Variants in DMBT1 observed in about 807,000 individuals in gnomAD.
The protein encoded by DMBT1 is scavenger receptor cysteine-rich domain-containing protein DMBT1.
DMBT1 carries 198 observed loss-of-function variants against 252.9 expected under a neutral mutation model. That is an observed-to-expected ratio of 0.78 (90% CI 0.70 to 0.88). DMBT1 has a LOEUF of 0.88. Ranked by LOEUF, DMBT1 falls within the 40% of genes least tolerant of loss-of-function variation. The pLI is 0.00. For missense variants in DMBT1, 2,432 were observed against 2,404.7 expected, an observed-to-expected ratio of 1.01 and a Z score of -0.24; for synonymous variants, 990 against 942.7, an observed-to-expected ratio of 1.05 and a Z score of -0.92.
chr10:122,631,401 G>A (rs1204511893), intron 49 of DMBT1, 120 bp downstream of exon 49: 3 of 1,276,838 alleles, frequency 2.3e-6, no homozygotes, highest in African/African-American at 3.0e-5. Context: ...TGTCCTCGTG[G>A]CCTGCGCACT....
intron 4 of DMBT1, 149 bp from the exon 5 acceptor site, chr10:122,572,165 A>C: frequency 1.8e-6 from 2 of 1,087,448 alleles, no homozygotes; most frequent in Non-Finnish European, 2.8e-6. Context: ...ACAGTGACAG[A>C]GTGATTGGCA....
chr10:122,592,496 C>T lies in DMBT1; in HGVS notation c.2401C>T (p.Arg801Cys), dbSNP rs199908786. The part of the protein sequence containing the change: ...GSGPIVLDDV[R>C]CSGHESYLWS... ...AGGACCCATTGTTCTGGATGATGTGCGCTGCTCAGGACACGAGTCCTACCT... is the reference window on the plus strand; with the variant it reads ...AGGACCCATTGTTCTGGATGATGTGTGCTGCTCAGGACACGAGTCCTACCT... The change falls in exon 20 of 56, where the codon CGC becomes TGC. Residue 801 changes from arginine (R) to cysteine (C), a missense_variant. Coordinates refer to ENST00000338354, the MANE Select transcript of DMBT1 (RefSeq NM_001377530.1). 207 of 1,587,842 alleles carry T rather than the reference C, an allele frequency of 1.3e-4. 16 individuals carry two copies. The highest frequency in any genetic ancestry group is 3.4e-4 in the Admixed American group (20 of 59,472).
chr10:122,569,944 T>G (rs2981788), intron 2 of DMBT1, among the ~76,000 whole-genome samples: 104,062 of 151,538 alleles, frequency 0.69, 35,911 homozygotes, highest in East Asian at 0.77. Context: ...AGAGGAGGTG[T>G]GGGGAGGGTA....
chr10:122,581,003 T>C lies in DMBT1; in HGVS notation c.1033+108T>C. 2.0e-6 allele frequency: 3 copies of C among 1,498,966 alleles called. No homozygotes were observed. The Admixed American group carries it at 5.8e-5, about 29-fold the overall frequency. 92.9% of individuals were successfully genotyped at this position (1,498,966 alleles called of 1,614,324 possible). On this transcript the variant is annotated intron_variant, in intron 11 of 55. Coordinates refer to ENST00000338354, the MANE Select transcript of DMBT1 (RefSeq NM_001377530.1). ...TTCTCTGTGTGGATACTGTGGGGCA[T>C]ATTATTTCCACCCCCAACACCGGCT...
chr10:122,594,340 A>ACAG (rs1215719591), intron 21 of DMBT1, among the ~76,000 whole-genome samples, 156 bp from the exon 22 acceptor site: 1 of 127,538 alleles, frequency 7.8e-6, no homozygotes, highest in Non-Finnish European at 1.8e-5. Context: ...GGATGAGTTC[A>ACAG]CAGCACAGGA....
intron 27 of DMBT1, among the ~76,000 whole-genome samples, chr10:122,600,442 C>G (rs1217057770): frequency 1.3e-5 from 2 of 152,204 alleles, no homozygotes; most frequent in African/African-American, 4.8e-5. Context: ...GAGTGTCACC[C>G]TCTGACCTGT....
chr10:122,639,069 C>T (rs1301665909), intron 54 of DMBT1, among the ~76,000 whole-genome samples: 1 of 152,190 alleles, frequency 6.6e-6, no homozygotes, highest in Non-Finnish European at 1.5e-5. Flanking sequence ...CTGGAGCTTC[C>T]CACAGCTCCA....
intron 44 of DMBT1, among the ~76,000 whole-genome samples, chr10:122,623,300 T>C (rs2098087710): frequency 6.6e-6 from 1 of 152,270 alleles, no homozygotes; most frequent in African/African-American, 2.4e-5. Context: ...TCTATCCATT[T>C]ATCAGCTTAT....
chr10:122,624,980 CAAT>C (rs138676947), intron 44 of DMBT1, among the ~76,000 whole-genome samples: 82 of 152,334 alleles, frequency 5.4e-4, no homozygotes, highest in African/African-American at 1.9e-3. Flanking sequence ...CTCAGCAAGG[CAAT>C]AACCTCAGCA....
chr10:122,628,396 G>C (rs1039926249), intron 46 of DMBT1, among the ~76,000 whole-genome samples: 1 of 152,186 alleles, frequency 6.6e-6, no homozygotes, highest in Admixed American at 6.5e-5. Context: ...AGCATTTTGG[G>C]AGGCCAAGAT....
chr10:122,641,357 A>G (rs973226307), intron 55 of DMBT1, among the ~76,000 whole-genome samples: 10 of 152,240 alleles, frequency 6.6e-5, no homozygotes, highest in African/African-American at 2.2e-4. Context: ...AGACCTGGAC[A>G]CTTCAGTAGC....
chr10:122,623,056 A>G (rs2098085767), intron 44 of DMBT1, among the ~76,000 whole-genome samples: 1 of 152,052 alleles, frequency 6.6e-6, no homozygotes, highest in South Asian at 2.1e-4. Context: ...AACCATTCAT[A>G]ATCCATTTCT....
Position 122,598,865 on chromosome 10 carries a change from C to T in DMBT1, c.3048C>T (p.Thr1016=), listed in dbSNP as rs139554705. Residue 1016 remains threonine (T), a synonymous_variant, in exon 26 of 56, where the codon ACC becomes ACT. Coordinates refer to ENST00000338354, the MANE Select transcript of DMBT1 (RefSeq NM_001377530.1). Reference sequence around the variant, plus strand: ...TCCTATACCAAGGCTCCTGGGGCACCGTGTGCGATGACAGCTGGGACACCA... The same window carrying T: ...TCCTATACCAAGGCTCCTGGGGCACTGTGTGCGATGACAGCTGGGACACCA... ...VEVLYQGSWG[T]VCDDSWDTND... The T allele has an allele frequency of 4.6e-4, 739 of 1,613,774 alleles. 3 individuals carry two copies. In the African/African-American group the frequency reaches 5.7e-3, roughly 12 times the overall value.
intron 52 of DMBT1, among the ~76,000 whole-genome samples, chr10:122,635,775 C>T (rs773712047): frequency 2.6e-5 from 4 of 152,110 alleles, no homozygotes; most frequent in African/African-American, 7.2e-5. Context: ...AGGCTGGTCT[C>T]GAACTTATGA....
rs551750721 is a variant in DMBT1 at position 122,592,614 on chromosome 10, G to T, written c.2500+19G>T. The T allele has an allele frequency of 6.3e-6, 10 of 1,588,048 alleles. 2 individuals carry two copies. Among genetic ancestry groups the T allele is most frequent in the East Asian group, 2.3e-5 (1 of 42,692 alleles). On this transcript the variant is annotated intron_variant, in intron 20 of 55. Transcript: ENST00000338354. ...TGCTCAGGTGGGCCTCCAAGACCTT[G>T]GGCTCCCTCTCCTAGACTGGAGTTT... is the stretch of plus-strand genomic sequence containing the variant.
intron 46 of DMBT1, 102 bp downstream of exon 46, chr10:122,626,067 A>G (rs1005942493): frequency 1.1e-6 from 1 of 915,308 alleles, no homozygotes; most frequent in African/African-American, 1.6e-5. Context: ...GCCTTCCTCA[A>G]TCTGCACATA....
intron 52 of DMBT1, among the ~76,000 whole-genome samples, chr10:122,634,807 A>G (rs573486866): frequency 4.6e-5 from 7 of 152,100 alleles, no homozygotes; most frequent in African/African-American, 1.7e-4. Context: ...TCAAAAGTAC[A>G]TTAATATATG....
At chr10:122,635,916 C>A in intron 52 of DMBT1, 75 bp from the exon 53 acceptor site, 1 of 1,518,098 alleles carries the variant, frequency 6.6e-7, no homozygotes, top group Non-Finnish European at 9.1e-7. Flanking sequence ...GAGGTGTGAC[C>A]CCACCCTGAG....
chr10:122,573,920 C>T (rs549536495), intron 6 of DMBT1, among the ~76,000 whole-genome samples, 158 bp downstream of exon 6: 15 of 152,198 alleles, frequency 9.9e-5, no homozygotes, highest in Non-Finnish European at 1.8e-4. Flanking sequence ...ACAGGTATAT[C>T]TTGCATCGAT....
Sources: gnomAD v4.1 joint callset for allele counts (sites outside exome capture counted in the v4.1 genomes callset) on GRCh38, gnomAD v4.1.1 for gene constraint, MANE v1.5 for transcripts, NCBI Gene and HGNC (gene_info 2026-07-23, HGNC 2026-07-21) for gene names.